Variants in STX3 observed in about 807,000 individuals in gnomAD.
STX3 encodes the protein syntaxin-3.
Under a neutral mutation model 40.2 loss-of-function variants are expected in STX3, and 19 were observed. The observed-to-expected ratio is 0.47, with a 90% CI of 0.33 to 0.69. The LOEUF is 0.69. STX3 is among the 30% of genes least tolerant of loss of function. The pLI is 0.02. For synonymous variants in STX3, 122 were observed against 132.2 expected (o/e 0.92, Z 0.53); for missense variants, 364 against 366.7 (o/e 0.99, Z 0.06).
At chr11:59,769,761 A>G (rs964317691) in intron 1 of STX3, among the ~76,000 whole-genome samples, 1 of 152,080 alleles carries the variant, frequency 6.6e-6, no homozygotes, top group African/African-American at 2.4e-5. Flanking sequence ...AATCCATCCC[A>G]TGATGGTAGC....
At chr11:59,783,677 A>G (rs1245997473) in intron 2 of STX3, among the ~76,000 whole-genome samples, 4 of 152,196 alleles carry the variant, frequency 2.6e-5, no homozygotes, top group African/African-American at 9.7e-5. Context: ...ATTATGTGGC[A>G]AATGCACAAA....
Position 59,762,293 on chromosome 11 carries a change from C to T in STX3, c.30+6658C>T, listed in dbSNP as rs542370163. On this transcript the variant is annotated intron_variant, in intron 1 of 10. Transcript: ENST00000337979. Reference sequence around the variant, plus strand: ...CACTCCAGATGGCTGAGGACAAAGTCCCGGCAGCCAGCTGCCCAGGCACCC... The same window carrying T: ...CACTCCAGATGGCTGAGGACAAAGTTCCGGCAGCCAGCTGCCCAGGCACCC... 9.2e-5 allele frequency among the ~76,000 whole-genome samples: 14 copies of T among 152,344 alleles called. No individual in the cohort carries two copies. In the South Asian group the frequency reaches 2.7e-3, roughly 29 times the overall value.
chr11:59,773,202 C>T lies in STX3; in HGVS notation c.31-9C>T. ...TTAGCCTCACTCTGCTCTTTTTTGC[C>T]TTTTGCAGAAGCAGCTGACACAGGA... is the stretch of plus-strand genomic sequence containing the variant. On this transcript the variant is annotated splice_polypyrimidine_tract_variant and intron_variant, in intron 1 of 10. Transcript: ENST00000337979. 1 of 1,611,982 alleles carries T rather than the reference C, an allele frequency of 6.2e-7. No individual in the cohort carries two copies. The highest frequency in any genetic ancestry group is 8.5e-7 in the Non-Finnish European group (1 of 1,179,244).
chr11:59,794,524 C>G (rs1319746147), intron 8 of STX3, among the ~76,000 whole-genome samples: 2 of 152,190 alleles, frequency 1.3e-5, no homozygotes, highest in African/African-American at 2.4e-5. Context: ...CTACTGGCCT[C>G]TGAGACCATT....
chr11:59,767,007 G>C (rs555157235), intron 1 of STX3, among the ~76,000 whole-genome samples: 1 of 152,206 alleles, frequency 6.6e-6, no homozygotes, highest in Non-Finnish European at 1.5e-5. Context: ...AGAGGAACCT[G>C]TGGTCAGATA....
Position 59,801,377 on chromosome 11 carries a change from T to G in STX3, c.*553T>G. ...ACATGAGGGACTGGCAGATGTCATT[T>G]TGGTCTAAAGAGCTGACTTGTTTGA... On this transcript the variant is annotated 3_prime_UTR_variant, in exon 11 of 11. Coordinates refer to ENST00000337979, the MANE Select transcript of STX3 (RefSeq NM_004177.5). 1 of 989,446 alleles carries G rather than the reference T, an allele frequency of 1.0e-6. No individual in the cohort carries two copies. The highest frequency in any genetic ancestry group is 1.2e-6 in the Non-Finnish European group (1 of 832,058). 61.3% of individuals were successfully genotyped at this position (989,446 alleles called of 1,614,324 possible).
chr11:59,765,117 C>CATT (rs1342853053), intron 1 of STX3, among the ~76,000 whole-genome samples: 2 of 152,090 alleles, frequency 1.3e-5, no homozygotes, highest in African/African-American at 2.4e-5. Flanking sequence ...CTTAGGATAT[C>CATT]ATTATCTGTC....
intron 5 of STX3, among the ~76,000 whole-genome samples, chr11:59,791,069 C>T (rs1865123985): frequency 1.3e-5 from 2 of 151,820 alleles, no homozygotes; most frequent in South Asian, 4.1e-4. Context: ...ATGGTGCTCT[C>T]AGCATCAAAA....
At chr11:59,790,977 T>C (rs1158300586) in intron 5 of STX3, among the ~76,000 whole-genome samples, 1 of 151,990 alleles carries the variant, frequency 6.6e-6, no homozygotes, top group African/African-American at 2.4e-5. Context: ...TGGCATGCCA[T>C]TGAAGCGGCA....
At position 59,792,109 on chromosome 11, in the gene STX3, C is replaced by T. The variant is rs1865213175; in HGVS notation, c.360C>T (p.His120=). 6 of 1,613,540 alleles carry T rather than the reference C, an allele frequency of 3.7e-6. No individual in the cohort carries two copies. Among genetic ancestry groups the T allele is most frequent in the Non-Finnish European group, 5.1e-6 (6 of 1,179,748 alleles). The change falls in exon 6 of 11, where the codon CAC becomes CAT. Residue 120 remains histidine (H), a splice_region_variant and synonymous_variant. Coordinates refer to ENST00000337979, the MANE Select transcript of STX3 (RefSeq NM_004177.5). ...CTGCATTTTACATCATCCCACAGCA[C>T]TCTGTCCTTTCTCGGAAGTTTGTGG... ...SADLRIRKSQ[H]SVLSRKFVEV...
intron 6 of STX3, 106 bp downstream of exon 6, chr11:59,792,321 C>A (rs1865232593): frequency 8.8e-6 from 8 of 906,648 alleles, no homozygotes; most frequent in Non-Finnish European, 1.4e-5. Flanking sequence ...CATTTTGTGC[C>A]TAAGTCTAGG....
intron 1 of STX3, among the ~76,000 whole-genome samples, chr11:59,767,372 C>T (rs1348006797): frequency 6.6e-6 from 1 of 152,124 alleles, no homozygotes; most frequent in Non-Finnish European, 1.5e-5. Context: ...CTGTAATGTT[C>T]CTATTACCAG....
chr11:59,788,398 TGG>T (rs1488085808), intron 3 of STX3, among the ~76,000 whole-genome samples: 2 of 152,240 alleles, frequency 1.3e-5, no homozygotes, highest in African/African-American at 4.8e-5. Context: ...TTTGAATGAA[TGG>T]TTATAGCTAA....
intron 1 of STX3, 81 bp downstream of exon 1, chr11:59,755,716 C>T (rs1862673970): frequency 2.1e-6 from 3 of 1,446,140 alleles, no homozygotes; most frequent in East Asian, 2.7e-5. Context: ...CAAGTCGAGG[C>T]TGGAGGGGGG....
chr11:59,778,194 G>A (rs1296305180), intron 2 of STX3, among the ~76,000 whole-genome samples: 2 of 152,144 alleles, frequency 1.3e-5, no homozygotes, highest in Non-Finnish European at 2.9e-5. Context: ...TAAAAGAGCG[G>A]TACATAGGTC....
In STX3 at chr11:59,801,061, C is replaced by T. The variant is rs1037690774; in HGVS notation, c.*237C>T. ...CTCCCCAGAGCCTCCTCCTGCCCCA[C>T]CAGCTCTCAAGTACCTTTTCTCCTG... On this transcript the variant is annotated 3_prime_UTR_variant, in exon 11 of 11. Transcript: ENST00000337979. 1.4e-6 allele frequency: 2 copies of T among 1,462,720 alleles called. No homozygotes were observed. Among genetic ancestry groups the T allele is most frequent in the South Asian group, 1.4e-5 (1 of 72,490 alleles). The allele number at this position is 1,462,720 out of a possible 1,614,324, so 90.6% of individuals were successfully genotyped here. A position where few individuals can be genotyped will look rare whatever the true frequency, so the allele number is the denominator to read the frequency against.
intron 1 of STX3, among the ~76,000 whole-genome samples, chr11:59,765,214 C>G (rs77531910): frequency 0.1 from 15,761 of 152,036 alleles, 1,144 homozygotes; most frequent in African/African-American, 0.2. Context: ...GAGGGTTTCA[C>G]TGGAAGAGAA....
chr11:59,770,411 G>A (rs78197857), intron 1 of STX3, among the ~76,000 whole-genome samples: 3 of 151,756 alleles, frequency 2.0e-5, no homozygotes, highest in Admixed American at 1.3e-4. Flanking sequence ...GTGTGTGTGT[G>A]GGTATATGTA....
intron 1 of STX3, among the ~76,000 whole-genome samples, chr11:59,771,166 T>C (rs938967254): frequency 7.7e-6 from 1 of 130,616 alleles, no homozygotes; most frequent in African/African-American, 3.3e-5. Flanking sequence ...GGCTCAGAGC[T>C]ATAATCCCAG....
Sources: allele counts gnomAD v4.1 joint callset (sites outside exome capture counted in the v4.1 genomes callset), GRCh38; gene constraint gnomAD v4.1.1; transcripts MANE v1.5; gene names NCBI Gene and HGNC (gene_info 2026-07-23, HGNC 2026-07-21).